The following NBDY variants were observed in gnomAD, a reference collection of about 807,000 sequenced individuals.
NBDY encodes P-body dissociating protein.
chrX:56,737,305 A>T, intron 2 of NBDY: 1 of 962,618 alleles, frequency 1.0e-6, no homozygotes, highest in African/African-American at 1.9e-5. Context: ...CATACAGTTC[A>T]AGGTAGAAAT....
intron 2 of NBDY, among the ~76,000 whole-genome samples, chrX:56,793,860 G>T (rs2069776816): frequency 1.8e-5 from 2 of 111,551 alleles, no homozygotes; most frequent in African/African-American, 6.5e-5. Context: ...TCCAGGAACT[G>T]CCAGGCATGA....
Position 56,757,470 on chromosome X carries a change from C to T in NBDY, c.*166+25271C>T, listed in dbSNP as rs145141938. On this transcript the variant is annotated intron_variant, in intron 2 of 2. Coordinates refer to ENST00000374922, the MANE Select transcript of NBDY (RefSeq NM_001348129.2). ...TCCTTCGCTTCGTGCACCATCAATT[C>T]AGTGGCCCTTTGCAGTGAGCACTTG... Among the ~76,000 whole-genome samples the T allele has an allele frequency of 9.6e-4, 108 of 112,037 alleles. 1 individual carries two copies. The East Asian group carries it at 0.021, about 21-fold the overall frequency.
At chrX:56,753,233 C>A (rs1384214655) in intron 2 of NBDY, among the ~76,000 whole-genome samples, 1 of 112,339 alleles carries the variant, frequency 8.9e-6, no homozygotes, top group Admixed American at 9.4e-5. Context: ...GAGACAAGAT[C>A]TTTCTGTAAG....
intron 2 of NBDY, among the ~76,000 whole-genome samples, chrX:56,786,259 C>A (rs758021948): frequency 9.0e-6 from 1 of 111,091 alleles, no homozygotes; most frequent in East Asian, 2.8e-4. Flanking sequence ...TTCTGCAGGC[C>A]CATATGTGGA....
At chrX:56,751,722 G>A (rs972740232) in intron 2 of NBDY, among the ~76,000 whole-genome samples, 1 of 112,242 alleles carries the variant, frequency 8.9e-6, no homozygotes, top group Non-Finnish European at 1.9e-5. Flanking sequence ...CCATTGATTA[G>A]TTTCGCATAT....
intron 2 of NBDY, among the ~76,000 whole-genome samples, chrX:56,764,885 G>A (rs146876840): frequency 7.8e-4 from 87 of 111,019 alleles, no homozygotes; most frequent in Admixed American, 5.7e-3. Context: ...GTGCAGACCC[G>A]GGCTTGAGGG....
At chrX:56,816,265 G>A (rs1168415602) in intron 2 of NBDY, among the ~76,000 whole-genome samples, 1 of 110,983 alleles carries the variant, frequency 9.0e-6, no homozygotes, top group Non-Finnish European at 1.9e-5. Context: ...TTTAATATTA[G>A]GTCATCATAT....
At chrX:56,741,176 C>T (rs1205605608) in intron 2 of NBDY, among the ~76,000 whole-genome samples, 1 of 111,633 alleles carries the variant, frequency 9.0e-6, no homozygotes, top group Non-Finnish European at 1.9e-5. Flanking sequence ...AGATCTCATT[C>T]TTTTTTATGA....
intron 2 of NBDY, among the ~76,000 whole-genome samples, chrX:56,749,278 G>A (rs1002237022): frequency 9.0e-6 from 1 of 111,083 alleles, no homozygotes; most frequent in Admixed American, 9.6e-5. Flanking sequence ...CCTGCACAAT[G>A]AAATTTTCTA....
chrX:56,787,111 G>GCCACCCTCCTC (rs2069733471), intron 2 of NBDY, among the ~76,000 whole-genome samples: 2 of 111,120 alleles, frequency 1.8e-5, no homozygotes, highest in African/African-American at 6.6e-5. Flanking sequence ...ATTTCAGTGT[G>GCCACCCTCCTC]TGCAGGCAGG....
At chrX:56,742,821 C>T (rs2069538033) in intron 2 of NBDY, among the ~76,000 whole-genome samples, 1 of 111,444 alleles carries the variant, frequency 9.0e-6, no homozygotes. Flanking sequence ...TAATTTCTTT[C>T]TCTTGTCTGA....
intron 2 of NBDY, among the ~76,000 whole-genome samples, chrX:56,735,376 G>T (rs768162367): frequency 7.1e-5 from 8 of 112,554 alleles, no homozygotes; most frequent in Admixed American, 2.8e-4. Context: ...ACTTTAGGAA[G>T]AACTCTCACA....
At chrX:56,795,591 A>C (rs2146735183) in intron 2 of NBDY, among the ~76,000 whole-genome samples, 1 of 112,007 alleles carries the variant, frequency 8.9e-6, no homozygotes. Context: ...ACAGGACAGA[A>C]AATTTACCCC....
intron 2 of NBDY, among the ~76,000 whole-genome samples, chrX:56,812,353 G>A (rs892359426): frequency 4.5e-5 from 5 of 110,369 alleles, no homozygotes; most frequent in Non-Finnish European, 9.5e-5. Flanking sequence ...GACCCCTGAA[G>A]TGCATAATCA....
At chrX:56,767,353 C>T (rs1301805519) in intron 2 of NBDY, among the ~76,000 whole-genome samples, 1 of 113,289 alleles carries the variant, frequency 8.8e-6, no homozygotes, top group Non-Finnish European at 1.9e-5. Flanking sequence ...CCCTCGCTCG[C>T]TCTCGGCGCC....
chrX:56,792,841 C>CTGT (rs1356186653), intron 2 of NBDY, among the ~76,000 whole-genome samples: 1 of 111,410 alleles, frequency 9.0e-6, no homozygotes, highest in Non-Finnish European at 1.9e-5. Flanking sequence ...TGTGGGAAGT[C>CTGT]TGTTATCAGA....
chrX:56,783,509 G>A (rs773619555), intron 2 of NBDY, among the ~76,000 whole-genome samples: 13 of 112,211 alleles, frequency 1.2e-4, no homozygotes, highest in Non-Finnish European at 1.7e-4. Flanking sequence ...TGGGCTGACG[G>A]GTCTTCAGGC....
chrX:56,791,970 CT>C (rs1200966943), intron 2 of NBDY, among the ~76,000 whole-genome samples: 3 of 107,672 alleles, frequency 2.8e-5, no homozygotes, highest in Non-Finnish European at 5.8e-5. Context: ...TCCTCTGTCT[CT>C]TTTTTTTTCT....
At chrX:56,735,193 C>G (rs2069481057) in intron 2 of NBDY, among the ~76,000 whole-genome samples, 1 of 112,224 alleles carries the variant, frequency 8.9e-6, no homozygotes, top group Non-Finnish European at 1.9e-5. Flanking sequence ...CACCTTTTCA[C>G]CTATGTGAGC....
Sources: allele counts gnomAD v4.1 joint callset (sites outside exome capture counted in the v4.1 genomes callset), GRCh38; gene constraint gnomAD v4.1.1; transcripts MANE v1.5; gene names NCBI Gene and HGNC (gene_info 2026-07-23, HGNC 2026-07-21).